KIAA1549: variants seen among roughly 807,000 people sequenced by gnomAD.
The protein encoded by KIAA1549 is UPF0606 protein KIAA1549.
In KIAA1549, 70 loss-of-function variants were observed where a neutral mutation model predicts 156.4. That is an observed-to-expected ratio of 0.45 (90% CI 0.37 to 0.55). The LOEUF is 0.55. KIAA1549 is among the 20% of genes least tolerant of loss of function. The probability of loss-of-function intolerance (pLI) is 0.00; values close to 1 mark genes in which losing one functional copy is unlikely to be tolerated. For synonymous variants in KIAA1549, 1,103 were observed against 1,066.4 expected (o/e 1.03, Z -0.67); for missense variants, 2,428 against 2,540.9 (o/e 0.96, Z 0.96).
At position 138,844,354 on chromosome 7, in the gene KIAA1549, C is replaced by A. The variant is rs763783853; in HGVS notation, c.5415G>T (p.Pro1805=). 2.5e-6 allele frequency: 4 copies of A among 1,613,836 alleles called. No individual in the cohort carries two copies. Among genetic ancestry groups the A allele is most frequent in the Non-Finnish European group, 3.4e-6 (4 of 1,179,820 alleles). Residue 1805 remains proline (P), a synonymous_variant, in exon 18 of 20, where the codon CCG becomes CCT. Coordinates refer to ENST00000422774, the MANE Select transcript of KIAA1549 (RefSeq NM_001164665.2). The stretch of plus-strand genomic sequence containing the variant: ...CGACAGGCCGAGGCCGGGCCACCGA[C>A]GGCATCTCCTCCGAGTAGATCCCTC... ...AARGIYSEEM[P]SVARPRPVGG...
rs1413548368 is a variant in KIAA1549, at chr7:138,837,945, G to A, written c.5814C>T (p.Leu1938=). ...TCTGCACGGTGCTCTGTTTCTGGGAGAGCCGGAGGAGCTCCTCGCGGATTG... is the reference window on the plus strand; with the variant it reads ...TCTGCACGGTGCTCTGTTTCTGGGAAAGCCGGAGGAGCTCCTCGCGGATTG... ...IKAIREELLR[L]SQKQSTVQNF... The change falls in exon 20 of 20, where the codon CTC becomes CTT. Residue 1938 remains leucine (L), a synonymous_variant. Coordinates refer to ENST00000422774, the MANE Select transcript of KIAA1549 (RefSeq NM_001164665.2). The A allele has an allele frequency of 6.2e-7, 1 of 1,613,906 alleles. No homozygotes were observed. Among genetic ancestry groups the A allele is most frequent in the Admixed American group, 1.7e-5 (1 of 60,036 alleles).
rs754606122 is a variant in KIAA1549 at position 138,833,908 on chromosome 7, A to C, written c.*3998T>G. On this transcript the variant is annotated 3_prime_UTR_variant, in exon 20 of 20. Coordinates refer to ENST00000422774, the MANE Select transcript of KIAA1549 (RefSeq NM_001164665.2). Reference sequence around the variant, plus strand: ...TCCAGCACCTCTTCCTTCTCTTCTGAAACTCCCTCAATAGTGCAGTCGGGG... The same window carrying C: ...TCCAGCACCTCTTCCTTCTCTTCTGCAACTCCCTCAATAGTGCAGTCGGGG... 38 of 232,454 alleles carry C rather than the reference A, an allele frequency of 1.6e-4. No homozygotes were observed. Among genetic ancestry groups the C allele is most frequent in the Non-Finnish European group, 2.7e-4 (32 of 117,598 alleles). The allele number at this position is 232,454 out of a possible 1,614,324, so 14.4% of individuals were successfully genotyped here. A position where few individuals can be genotyped will look rare whatever the true frequency, so the allele number is the denominator to read the frequency against.
chr7:138,894,585 C>T, intron 9 of KIAA1549, 59 bp from the exon 10 acceptor site: 1 of 1,534,098 alleles, frequency 6.5e-7, no homozygotes, highest in Non-Finnish European at 9.0e-7. Flanking sequence ...CACTAGATTG[C>T]ACGTGTCTTC....
intron 1 of KIAA1549, among the ~76,000 whole-genome samples, chr7:138,963,601 C>T (rs1813919119): frequency 6.6e-6 from 1 of 152,144 alleles, no homozygotes; most frequent in Non-Finnish European, 1.5e-5. Context: ...GGCATTAATA[C>T]ACTGTGTTTT....
intron 17 of KIAA1549, among the ~76,000 whole-genome samples, chr7:138,846,168 G>C (rs1239246934): frequency 6.6e-6 from 1 of 152,168 alleles, no homozygotes; most frequent in Non-Finnish European, 1.5e-5. Flanking sequence ...TTTTAAAACT[G>C]TGATTACAGG....
chr7:138,851,285 C>T (rs1023866099), intron 17 of KIAA1549, among the ~76,000 whole-genome samples: 7 of 151,984 alleles, frequency 4.6e-5, no homozygotes, highest in African/African-American at 1.7e-4. Flanking sequence ...TTTGGATTAT[C>T]TTTAAGTTAT....
intron 5 of KIAA1549, 69 bp downstream of exon 5, chr7:138,908,922 T>C: frequency 1.3e-6 from 2 of 1,585,356 alleles, no homozygotes; most frequent in Admixed American, 1.7e-5. Context: ...AAGCACATCT[T>C]AAACAATGTG....
At chr7:138,980,112 C>A (rs554167557) in intron 1 of KIAA1549, among the ~76,000 whole-genome samples, 85 of 152,216 alleles carry the variant, frequency 5.6e-4, no homozygotes, top group Non-Finnish European at 1.1e-3. Context: ...GGATTCGGAG[C>A]AGCGTTCACG....
intron 1 of KIAA1549, among the ~76,000 whole-genome samples, chr7:138,978,838 C>T (rs571052658): frequency 6.6e-5 from 10 of 152,298 alleles, no homozygotes; most frequent in Admixed American, 5.9e-4. Flanking sequence ...GAGGGCAGCC[C>T]AAGCAACTGC....
Position 138,981,154 on chromosome 7 carries a change from C to T in KIAA1549, c.116G>A (p.Arg39His), listed in dbSNP as rs867020397. 4.5e-4 allele frequency: 539 copies of T among 1,193,330 alleles called. 1 individual carries two copies. Among genetic ancestry groups the T allele is most frequent in the Middle Eastern group, 6.6e-4 (2 of 3,034 alleles). 73.9% of individuals were successfully genotyped at this position (1,193,330 alleles called of 1,614,324 possible). A position where few individuals can be genotyped will look rare whatever the true frequency, so the allele number is the denominator to read the frequency against. ...AGGAAGCAGCAGCCCCGGGCGGCGG[C>T]GGCGGGCGCAGCGGGCGGAAGGCCG... ...GRRPSARCAR[R>H]RRPGLLLPGL... Residue 39 changes from arginine (R) to histidine (H), a missense_variant, in exon 1 of 20, where the codon CGC becomes CAC. Physicochemically the swap from Arg to His is conservative, Grantham distance 29 (BLOSUM62 0). Transcript: ENST00000422774. The surrounding 1 kb of genome is among the most constrained non-coding windows in gnomAD (Gnocchi z 4.5).
chr7:138,884,645 T>G (rs941052189), intron 10 of KIAA1549, among the ~76,000 whole-genome samples: 1 of 152,232 alleles, frequency 6.6e-6, no homozygotes, highest in Non-Finnish European at 1.5e-5. Flanking sequence ...CCCGGTATAA[T>G]GTGGCTTACT....
At chr7:138,975,869 T>C (rs1042973264) in intron 1 of KIAA1549, among the ~76,000 whole-genome samples, 18 of 152,196 alleles carry the variant, frequency 1.2e-4, no homozygotes, top group African/African-American at 4.3e-4. Flanking sequence ...GGCTCCCACG[T>C]CCCTAGTGAC....
At chr7:138,943,136 C>T (rs1478781925) in intron 1 of KIAA1549, among the ~76,000 whole-genome samples, 1 of 152,216 alleles carries the variant, frequency 6.6e-6, no homozygotes, top group African/African-American at 2.4e-5. Context: ...GGGAAATAAT[C>T]ACAGATCTTC....
In KIAA1549 at chr7:138,834,863, C is replaced by T. The variant is rs777986264; in HGVS notation, c.*3043G>A. On this transcript the variant is annotated 3_prime_UTR_variant, in exon 20 of 20. Coordinates refer to ENST00000422774, the MANE Select transcript of KIAA1549 (RefSeq NM_001164665.2). The stretch of plus-strand genomic sequence containing the variant: ...ACATGATCACATCTGATTCTCACAA[C>T]TACGGTGCCTGGGAGGTGGCGGGGG... 1 of 231,530 alleles carries T rather than the reference C, an allele frequency of 4.3e-6. No homozygotes were observed. The highest frequency in any genetic ancestry group is 2.2e-5 in the African/African-American group (1 of 45,166). 14.3% of individuals were successfully genotyped at this position (231,530 alleles called of 1,614,324 possible). A position where few individuals can be genotyped will look rare whatever the true frequency, so the allele number is the denominator to read the frequency against.
chr7:138,847,065 A>C (rs1005715337), intron 17 of KIAA1549, among the ~76,000 whole-genome samples: 1 of 152,122 alleles, frequency 6.6e-6, no homozygotes, highest in African/African-American at 2.4e-5. Flanking sequence ...TCACCTAATC[A>C]CAGTCTCTGG....
chr7:138,893,919 A>G (rs1364198296), intron 10 of KIAA1549, among the ~76,000 whole-genome samples: 3 of 152,192 alleles, frequency 2.0e-5, no homozygotes, highest in African/African-American at 7.2e-5. Context: ...AAAAATACAA[A>G]CACTGGCCAG....
In KIAA1549 at chr7:138,908,391, T is replaced by C. The variant is rs573606896; in HGVS notation, c.3276+600A>G. Among the ~76,000 whole-genome samples, 9 of 152,264 alleles carry C rather than the reference T, an allele frequency of 5.9e-5. No individual in the cohort carries two copies. The South Asian group carries it at 1.7e-3, about 28-fold the overall frequency. On this transcript the variant is annotated intron_variant, in intron 5 of 19. Transcript: ENST00000422774. ...AAAGCTTAAAAATTCAGTAGAGGGA[T>C]TGCATAACATAATGGACACAGCTAA...
intron 1 of KIAA1549, among the ~76,000 whole-genome samples, chr7:138,977,205 A>G (rs1814404919): frequency 6.6e-6 from 1 of 152,252 alleles, no homozygotes; most frequent in African/African-American, 2.4e-5. Context: ...TGGAAGGGGA[A>G]AACGCAACAT....
intron 1 of KIAA1549, among the ~76,000 whole-genome samples, chr7:138,953,958 T>C (rs976595920): frequency 4.6e-5 from 7 of 152,160 alleles, no homozygotes; most frequent in Admixed American, 1.3e-4. Flanking sequence ...GTACAGAAAA[T>C]AAATGGTGCA....
Sources: gnomAD v4.1 joint callset for allele counts (sites outside exome capture counted in the v4.1 genomes callset) on GRCh38, gnomAD v4.1.1 for gene constraint, Gnocchi (gnomAD v3.1) non-coding constraint, MANE v1.5 for transcripts, NCBI Gene and HGNC (gene_info 2026-07-23, HGNC 2026-07-21) for gene names.